Variants in TRPS1 observed in about 807,000 individuals in gnomAD.
TRPS1 encodes the protein transcriptional repressor GATA binding 1.
TRPS1 carries 6 observed loss-of-function variants against 101.2 expected under a neutral mutation model. That is an observed-to-expected ratio of 0.06 (90% CI 0.03 to 0.12). The LOEUF (loss-of-function observed/expected upper bound fraction) is 0.12. Ranked by LOEUF, TRPS1 falls within the 10% of genes least tolerant of loss-of-function variation. The pLI, the probability that TRPS1 is intolerant of heterozygous loss-of-function variation, is 1.00. For synonymous variants in TRPS1, 578 were observed against 589.8 expected, an observed-to-expected ratio of 0.98 and a Z score of 0.29; for missense variants, 1,363 against 1,567.0, an observed-to-expected ratio of 0.87 and a Z score of 2.20.
intron 5 of TRPS1, among the ~76,000 whole-genome samples, chr8:115,568,245 A>AT (rs1817115959): frequency 6.6e-6 from 1 of 152,164 alleles, no homozygotes; most frequent in African/African-American, 2.4e-5. Context: ...AATAAGGCTT[A>AT]TTTATAAAGG....
At chr8:115,496,397 G>A (rs6990008) in intron 5 of TRPS1, among the ~76,000 whole-genome samples, 103,500 of 151,984 alleles carry the variant, frequency 0.68, 36,777 homozygotes, top group African/African-American at 0.88. Flanking sequence ...ATACAGAAAA[G>A]AAGAGCCTAC....
chr8:115,581,965 T>G (rs1170883916), intron 5 of TRPS1, among the ~76,000 whole-genome samples: 1 of 152,224 alleles, frequency 6.6e-6, no homozygotes, highest in Non-Finnish European at 1.5e-5. Context: ...TCATTTATTT[T>G]ACTCTCAGGC....
intron 5 of TRPS1, among the ~76,000 whole-genome samples, chr8:115,425,015 A>T (rs558134681): frequency 7.2e-5 from 11 of 152,274 alleles, no homozygotes; most frequent in African/African-American, 2.4e-4. Flanking sequence ...AGTAGACCCT[A>T]TGGAATATAC....
At chr8:115,614,553 G>C (rs1818237041) in intron 3 of TRPS1, among the ~76,000 whole-genome samples, 1 of 152,166 alleles carries the variant, frequency 6.6e-6, no homozygotes, top group Non-Finnish European at 1.5e-5. Context: ...TTATGGCCTT[G>C]AGGTGAGCAT....
rs186262582 is a variant in TRPS1 at position 115,566,830 on chromosome 8, C to T, written c.2700+20171G>A. 1.9e-3 allele frequency among the ~76,000 whole-genome samples: 287 copies of T among 152,014 alleles called. 3 individuals carry two copies. The highest frequency in any genetic ancestry group is 6.2e-3 in the South Asian group (30 of 4,820). On this transcript the variant is annotated intron_variant, in intron 5 of 6. Transcript: ENST00000395715. ...TCTGTAATTAAAAATGGTTTAGTGC[C>T]TATAATTTCATCAAACCATTCTGTG...
At chr8:115,534,185 C>T (rs1038970290) in intron 5 of TRPS1, among the ~76,000 whole-genome samples, 1 of 151,952 alleles carries the variant, frequency 6.6e-6, no homozygotes, top group African/African-American at 2.4e-5. Flanking sequence ...ACCCTAATAC[C>T]ATCACACTGG....
intron 5 of TRPS1, among the ~76,000 whole-genome samples, chr8:115,564,517 C>G (rs1387444859): frequency 1.3e-5 from 2 of 152,064 alleles, no homozygotes; most frequent in Admixed American, 1.3e-4. Flanking sequence ...TCAGTTTATG[C>G]AGGGAGAAAT....
intron 5 of TRPS1, among the ~76,000 whole-genome samples, chr8:115,498,615 G>A (rs987114421): frequency 6.6e-6 from 1 of 151,630 alleles, no homozygotes; most frequent in Non-Finnish European, 1.5e-5. Flanking sequence ...TAGAAGCCAT[G>A]CATATATATT....
At chr8:115,452,108 T>A (rs1813889904) in intron 5 of TRPS1, among the ~76,000 whole-genome samples, 1 of 152,214 alleles carries the variant, frequency 6.6e-6, no homozygotes, top group African/African-American at 2.4e-5. Context: ...CAAGTGTGAG[T>A]TATCAGAGTT....
Position 115,585,996 on chromosome 8 carries a change from A to G in TRPS1, c.2700+1005T>C, listed in dbSNP as rs369803884. ...CAGCCAAGCAGACATTGGGAAGAGC[A>G]ATTTTTCTCCCCAGAATACATCCAG... On this transcript the variant is annotated intron_variant, in intron 5 of 6. Transcript: ENST00000395715. Among the ~76,000 whole-genome samples, 30 of 152,336 alleles carry G rather than the reference A, an allele frequency of 2.0e-4. No individual in the cohort carries two copies. The East Asian group carries it at 4.1e-3, about 21-fold the overall frequency.
intron 5 of TRPS1, among the ~76,000 whole-genome samples, chr8:115,451,535 T>C (rs1299364396): frequency 6.6e-6 from 1 of 152,150 alleles, no homozygotes; most frequent in Non-Finnish European, 1.5e-5. Flanking sequence ...ACTAGATCAT[T>C]TAAGGGAAGT....
intron 5 of TRPS1, among the ~76,000 whole-genome samples, chr8:115,479,277 C>T (rs958205098): frequency 2.6e-5 from 4 of 152,090 alleles, no homozygotes; most frequent in Admixed American, 6.6e-5. Context: ...AACTTGTAGT[C>T]TGGTACAGGA....
At chr8:115,475,955 C>T (rs77268031) in intron 5 of TRPS1, among the ~76,000 whole-genome samples, 3,182 of 149,690 alleles carry the variant, frequency 0.021, 108 homozygotes, top group African/African-American at 0.073. Flanking sequence ...TGTAAATTAT[C>T]AAATATACAA....
intron 1 of TRPS1, among the ~76,000 whole-genome samples, chr8:115,635,048 A>G (rs1818736582): frequency 6.6e-6 from 1 of 152,178 alleles, no homozygotes; most frequent in South Asian, 2.1e-4. Flanking sequence ...CAGGGTATGA[A>G]CAGTGAAAAA....
chr8:115,667,856 C>G (rs1811961249), intron 1 of TRPS1: 10 of 1,535,422 alleles, frequency 6.5e-6, no homozygotes, highest in Non-Finnish European at 8.7e-6. Context: ...CCGACCCTCC[C>G]GAGTTCGCCC....
rs115242756 is a variant in TRPS1 at position 115,441,557 on chromosome 8, G to C, written c.2701-23105C>G. 6.8e-3 allele frequency among the ~76,000 whole-genome samples: 1,042 copies of C among 152,230 alleles called. 18 individuals carry two copies. Among genetic ancestry groups the C allele is most frequent in the African/African-American group, 0.024 (993 of 41,548 alleles). On this transcript the variant is annotated intron_variant, in intron 5 of 6. Coordinates refer to ENST00000395715, the MANE Select transcript of TRPS1 (RefSeq NM_014112.5). The stretch of plus-strand genomic sequence containing the variant: ...CTTTTTGTAGATTCCTTTTCCTAAA[G>C]TGTCTCCCTTCCGTCAACCACAGCA...
intron 4 of TRPS1, among the ~76,000 whole-genome samples, chr8:115,598,054 T>C (rs1483468059): frequency 6.6e-6 from 1 of 152,212 alleles, no homozygotes; most frequent in Non-Finnish European, 1.5e-5. Context: ...TTATAGATTT[T>C]ACTTTAAAAT....
intron 5 of TRPS1, among the ~76,000 whole-genome samples, chr8:115,437,864 T>C (rs765026816): frequency 5.9e-5 from 9 of 152,218 alleles, no homozygotes; most frequent in Non-Finnish European, 1.2e-4. Flanking sequence ...GTCGGAGTCA[T>C]AGAGATCGTG....
Position 115,418,588 on chromosome 8 carries a change from G to T in TRPS1, c.2701-136C>A. 1 of 1,175,548 alleles carries T rather than the reference G, an allele frequency of 8.5e-7. No homozygotes were observed. The highest frequency in any genetic ancestry group is 1.2e-6 in the Non-Finnish European group (1 of 800,678). 72.8% of individuals were successfully genotyped at this position (1,175,548 alleles called of 1,614,324 possible). A position where few individuals can be genotyped will look rare whatever the true frequency, so the allele number is the denominator to read the frequency against. On this transcript the variant is annotated intron_variant, in intron 5 of 6. Transcript: ENST00000395715. This position sits in a 1 kb window ranked among gnomAD's most constrained non-coding sequence, Gnocchi z 4.3. ...ACCACACTGCCCATAATGAGGTCAG[G>T]TTCAATTGTGTTTAATAGGCACCAC... is the stretch of plus-strand genomic sequence containing the variant.
Sources: gnomAD v4.1 joint callset for allele counts (sites outside exome capture counted in the v4.1 genomes callset) on GRCh38, gnomAD v4.1.1 for gene constraint, Gnocchi (gnomAD v3.1) non-coding constraint, MANE v1.5 for transcripts, NCBI Gene and HGNC (gene_info 2026-07-23, HGNC 2026-07-21) for gene names.